LARS2: variants seen among roughly 807,000 people sequenced by gnomAD.
The protein encoded by LARS2 is leucine--tRNA ligase, mitochondrial.
In LARS2, 81 loss-of-function variants were observed where a neutral mutation model predicts 116.6. The ratio of observed to expected loss-of-function variants is 0.69; its 90% CI spans 0.58 to 0.84. The LOEUF (loss-of-function observed/expected upper bound fraction) is 0.84. Among genes scored for constraint, LARS2 ranks in the 40% least tolerant of loss-of-function variants. The probability of loss-of-function intolerance (pLI) is 0.00; values close to 1 mark genes in which losing one functional copy is unlikely to be tolerated. For synonymous variants in LARS2, 396 were observed against 407.2 expected, an observed-to-expected ratio of 0.97 and a Z score of 0.33; for missense variants, 968 against 1,114.5, an observed-to-expected ratio of 0.87 and a Z score of 1.87.
intron 6 of LARS2, chr3:45,421,902 G>C (rs915439283): frequency 3.3e-5 from 5 of 152,176 alleles, no homozygotes; most frequent in African/African-American, 1.2e-4. Flanking sequence ...CCTCATGACT[G>C]TGTGGCTAAC....
intron 6 of LARS2, among the ~76,000 whole-genome samples, chr3:45,439,801 C>A (rs1698875151): frequency 6.6e-6 from 1 of 152,054 alleles, no homozygotes; most frequent in Non-Finnish European, 1.5e-5. Context: ...TCATGCGAAC[C>A]AAATCATGTT....
intron 16 of LARS2, among the ~76,000 whole-genome samples, chr3:45,515,890 G>A (rs1302742160): frequency 6.6e-6 from 1 of 152,222 alleles, no homozygotes; most frequent in East Asian, 1.9e-4. Context: ...AGGTTTGTGG[G>A]AGGAAGGTGG....
intron 6 of LARS2, among the ~76,000 whole-genome samples, chr3:45,444,790 A>G (rs1342150065): frequency 1.3e-5 from 2 of 150,514 alleles, no homozygotes; most frequent in Admixed American, 6.6e-5. Flanking sequence ...ATGTGTGTAT[A>G]TATAAAATAT....
chr3:45,545,328 G>A (rs1471990911), intron 21 of LARS2, among the ~76,000 whole-genome samples: 1 of 152,228 alleles, frequency 6.6e-6, no homozygotes. Flanking sequence ...TGTCCGGCAG[G>A]TGTCAGAAAA....
chr3:45,415,838 A>C (rs1473608393), intron 4 of LARS2, among the ~76,000 whole-genome samples: 1 of 140,978 alleles, frequency 7.1e-6, no homozygotes, highest in Non-Finnish European at 1.5e-5. Context: ...ACAGAGCAAG[A>C]CTCCATCTCA....
chr3:45,508,190 G>A (rs1246255460), intron 15 of LARS2, among the ~76,000 whole-genome samples: 1 of 152,046 alleles, frequency 6.6e-6, no homozygotes, highest in Non-Finnish European at 1.5e-5. Flanking sequence ...AGTGGTGGCT[G>A]TCAGAAGCAA....
Position 45,537,478 on chromosome 3 carries a change from A to G in LARS2, c.2405-4351A>G, listed in dbSNP as rs1043036266. ...AAAATCATGTAAAAGTATGTGTGAT[A>G]ATTACAGGGGAGAATAAGATACCCA... On this transcript the variant is annotated intron_variant, in intron 20 of 21. Coordinates refer to ENST00000645846, the MANE Select transcript of LARS2 (RefSeq NM_015340.4). Among the ~76,000 whole-genome samples the G allele has an allele frequency of 4.6e-5, 7 of 152,234 alleles. No individual in the cohort carries two copies. In the East Asian group the frequency reaches 5.8e-4, roughly 13 times the overall value.
Position 45,527,184 on chromosome 3 carries a change from C to A in LARS2, c.2404+3076C>A, listed in dbSNP as rs140089521. Among the ~76,000 whole-genome samples, 427 of 152,210 alleles carry A rather than the reference C, an allele frequency of 2.8e-3. 7 individuals carry two copies. The highest frequency in any genetic ancestry group is 9.7e-3 in the African/African-American group (404 of 41,526). On this transcript the variant is annotated intron_variant, in intron 20 of 21. Transcript: ENST00000645846. ...GTTTATTACCGGGGGAAACACTGGG[C>A]ATCTCAGAGGGTGCTAGGAAGGACC...
chr3:45,507,833 A>AG (rs1275819883), intron 15 of LARS2, among the ~76,000 whole-genome samples: 1 of 152,044 alleles, frequency 6.6e-6, no homozygotes, highest in African/African-American at 2.4e-5. Flanking sequence ...TTTTTTCCAG[A>AG]TTTTTTACAA....
chr3:45,456,437 G>T (rs1347968643), intron 7 of LARS2, among the ~76,000 whole-genome samples: 1 of 152,152 alleles, frequency 6.6e-6, no homozygotes, highest in Non-Finnish European at 1.5e-5. Context: ...ACAAAAATTA[G>T]CTGGGCGTGG....
At chr3:45,400,569 G>A (rs888182020) in intron 4 of LARS2, among the ~76,000 whole-genome samples, 196 bp downstream of exon 4, 1 of 152,180 alleles carries the variant, frequency 6.6e-6, no homozygotes, top group African/African-American at 2.4e-5. Context: ...TTAATTGGGG[G>A]GCAGCCATGA....
chr3:45,463,726 G>C lies in LARS2; in HGVS notation c.750+4840G>C, dbSNP rs1276879187. ...TGCCTGGCCAGACCCTAGGCAGGGT[G>C]CTAAGAATACAGACAGAGCAGCTGA... On this transcript the variant is annotated intron_variant, in intron 8 of 21. Transcript: ENST00000645846. 2.0e-5 allele frequency among the ~76,000 whole-genome samples: 3 copies of C among 152,080 alleles called. No homozygotes were observed. The East Asian group carries it at 5.8e-4, about 29-fold the overall frequency.
intron 4 of LARS2, among the ~76,000 whole-genome samples, chr3:45,412,530 A>T (rs764620519): frequency 2.6e-5 from 4 of 152,256 alleles, no homozygotes; most frequent in African/African-American, 9.6e-5. Flanking sequence ...ATGCCATTTC[A>T]TTTGTTAAAT....
chr3:45,465,064 A>G (rs963500844), intron 8 of LARS2, among the ~76,000 whole-genome samples: 3 of 152,044 alleles, frequency 2.0e-5, no homozygotes, highest in Non-Finnish European at 4.4e-5. Flanking sequence ...TTCTCAGACC[A>G]GTGCTGAGCC....
chr3:45,437,984 G>A (rs1256286386), intron 6 of LARS2, among the ~76,000 whole-genome samples: 2 of 152,142 alleles, frequency 1.3e-5, no homozygotes, highest in African/African-American at 4.8e-5. Flanking sequence ...AGAAAAAAAG[G>A]TAGAGTAGGT....
chr3:45,519,571 A>C (rs111245683), intron 18 of LARS2: 5,418 of 149,856 alleles, frequency 0.036, 104 homozygotes, highest in Middle Eastern at 0.068. Context: ...ATAACCAAGC[A>C]GAAGTGGCAT....
chr3:45,452,234 G>C (rs1699141843), intron 7 of LARS2, among the ~76,000 whole-genome samples: 1 of 152,126 alleles, frequency 6.6e-6, no homozygotes, highest in South Asian at 2.1e-4. Flanking sequence ...TTGAATAAAA[G>C]TGGTGAAAGT....
At chr3:45,527,794 G>A (rs1257668786) in intron 20 of LARS2, among the ~76,000 whole-genome samples, 2 of 152,180 alleles carry the variant, frequency 1.3e-5, no homozygotes, top group Admixed American at 1.3e-4. Flanking sequence ...TTATGACATG[G>A]TCTTGTTTTG....
At chr3:45,544,459 C>T (rs1352581246) in intron 21 of LARS2, among the ~76,000 whole-genome samples, 3 of 152,194 alleles carry the variant, frequency 2.0e-5, no homozygotes, top group Non-Finnish European at 4.4e-5. Flanking sequence ...AAGTGCTTAG[C>T]CTGCTTCTGG....
Sources: gnomAD v4.1 joint callset for allele counts (sites outside exome capture counted in the v4.1 genomes callset) on GRCh38, gnomAD v4.1.1 for gene constraint, MANE v1.5 for transcripts, NCBI Gene and HGNC (gene_info 2026-07-23, HGNC 2026-07-21) for gene names.